The following RIC3 variants were observed in gnomAD, a reference collection of about 807,000 sequenced individuals.
The protein encoded by RIC3 is protein RIC-3.
RIC3 carries 28 observed loss-of-function variants against 27.3 expected under a neutral mutation model. That is an observed-to-expected ratio of 1.02 (90% confidence interval 0.76 to 1.41). The LOEUF (loss-of-function observed/expected upper bound fraction) is 1.41. Among genes scored for constraint, RIC3 ranks in the 40% most tolerant of loss-of-function variants. The pLI, the probability that RIC3 is intolerant of heterozygous loss-of-function variation, is 0.00. For missense variants in RIC3, 501 were observed against 444.7 expected (o/e 1.13, Z -1.14); for synonymous variants, 184 against 160.4 (o/e 1.15, Z -1.11).
At chr11:8,099,674 A>G in the RIC3 span, among the ~76,000 whole-genome samples, 3 of 152,236 alleles carry the variant, frequency 2.0e-5, no homozygotes, top group Non-Finnish European at 2.9e-5. Context: ...TGAAGTAAGT[A>G]TGTTCTTTAT....
In RIC3 at chr11:8,142,912, G is replaced by A. The variant is rs1476300553; in HGVS notation, c.125-2719C>T. ...AAATGTAATCCAGCATATAAACAGAGCCAAAGACAAAAACCACAGGATTAT... is the reference window on the plus strand; with the variant it reads ...AAATGTAATCCAGCATATAAACAGAACCAAAGACAAAAACCACAGGATTAT... On this transcript the variant is annotated intron_variant, in intron 1 of 5. Coordinates refer to ENST00000309737, the MANE Select transcript of RIC3 (RefSeq NM_001206671.4). Among the ~76,000 whole-genome samples, 9 of 87,812 alleles carry A rather than the reference G, an allele frequency of 1.0e-4. 1 individual carries two copies. In the South Asian group the frequency reaches 2.3e-3, roughly 23 times the overall value. The allele number at this position is 87,812 out of a possible 152,430, so 57.6% of individuals were successfully genotyped here. A position where few individuals can be genotyped will look rare whatever the true frequency, so the allele number is the denominator to read the frequency against.
intron 5 of RIC3, among the ~76,000 whole-genome samples, chr11:8,122,330 T>A (rs533036529): frequency 2.0e-5 from 3 of 152,314 alleles, no homozygotes; most frequent in African/African-American, 7.2e-5. Context: ...ATAAATGGAA[T>A]CATATAGTAT....
chr11:8,125,253 C>CAAA (rs758292624), intron 5 of RIC3, among the ~76,000 whole-genome samples: 2 of 82,998 alleles, frequency 2.4e-5, no homozygotes, highest in Admixed American at 1.2e-4. Context: ...GACTCTGTCT[C>CAAA]AAAAAAAAAA....
At chr11:8,147,632 A>C (rs917094896) in intron 1 of RIC3, among the ~76,000 whole-genome samples, 1 of 151,970 alleles carries the variant, frequency 6.6e-6, no homozygotes, top group African/African-American at 2.4e-5. Context: ...AAAGCAGGCT[A>C]GATTATATGG....
At position 8,134,836 on chromosome 11, in the gene RIC3, T is replaced by C. The variant is rs530013071; in HGVS notation, c.521+2542A>G. Among the ~76,000 whole-genome samples the C allele has an allele frequency of 5.3e-5, 8 of 152,264 alleles. No homozygotes were observed. In the South Asian group the frequency reaches 1.7e-3, roughly 32 times the overall value. On this transcript the variant is annotated intron_variant, in intron 4 of 5. Coordinates refer to ENST00000309737, the MANE Select transcript of RIC3 (RefSeq NM_001206671.4). ...TTTATATCCTTTGCCCGCTTGTTGA[T>C]GGGGTTGTTTTTTTCTTGTAAATTT... is the stretch of plus-strand genomic sequence containing the variant.
chr11:8,166,093 A>G (rs1951672048), intron 1 of RIC3, among the ~76,000 whole-genome samples: 2 of 152,184 alleles, frequency 1.3e-5, no homozygotes, highest in South Asian at 2.1e-4. Flanking sequence ...CTGGTTTATG[A>G]AACCCTTCTT....
intron 1 of RIC3, among the ~76,000 whole-genome samples, chr11:8,150,193 T>G (rs1023428946): frequency 1.1e-4 from 17 of 152,228 alleles, no homozygotes; most frequent in African/African-American, 4.1e-4. Context: ...TGCTTCTGGC[T>G]GGAGGCTACA....
At chr11:8,137,760 G>A (rs549164180) in intron 3 of RIC3, among the ~76,000 whole-genome samples, 8 of 143,394 alleles carry the variant, frequency 5.6e-5, no homozygotes, top group Admixed American at 5.5e-4. Flanking sequence ...TCTCTTACTT[G>A]CGGGTGGTAA....
chr11:8,148,636 T>A (rs765020617), intron 1 of RIC3, among the ~76,000 whole-genome samples: 2 of 151,832 alleles, frequency 1.3e-5, no homozygotes, highest in Non-Finnish European at 2.9e-5. Context: ...CCCAAAACTT[T>A]TATAGATCTG....
chr11:8,113,290 T>C (rs766834512), intron 5 of RIC3, among the ~76,000 whole-genome samples: 3 of 152,190 alleles, frequency 2.0e-5, no homozygotes, highest in Non-Finnish European at 4.4e-5. Flanking sequence ...TTTTCATGAC[T>C]ATCTGCTTTA....
Position 8,162,279 on chromosome 11 carries a change from T to C in RIC3, c.124+6587A>G, listed in dbSNP as rs549898797. On this transcript the variant is annotated intron_variant, in intron 1 of 5. Coordinates refer to ENST00000309737, the MANE Select transcript of RIC3 (RefSeq NM_001206671.4). ...CATTTACACAAGTCAATAAATTCCC[T>C]GTCTTAGTCAAGCTGACTTTTCTGT... is the stretch of plus-strand genomic sequence containing the variant. 3.1e-4 allele frequency among the ~76,000 whole-genome samples: 47 copies of C among 152,200 alleles called. No individual in the cohort carries two copies. The South Asian group carries it at 9.1e-3, about 29-fold the overall frequency.
intron 4 of RIC3, among the ~76,000 whole-genome samples, chr11:8,136,568 G>A (rs926541833): frequency 1.3e-4 from 20 of 152,126 alleles, no homozygotes; most frequent in African/African-American, 4.6e-4. Flanking sequence ...AGCCAGCCTG[G>A]TAGCAAGAGG....
chr11:8,096,818 A>G, the RIC3 span: 2 of 1,614,072 alleles, frequency 1.2e-6, no homozygotes, highest in Non-Finnish European at 8.5e-7. Flanking sequence ...TGAGTGAGTG[A>G]GTCTGCATCC....
In RIC3 at chr11:8,107,248, G is replaced by C. The variant is rs1329605608; in HGVS notation, c.*3450C>G. 1.3e-5 allele frequency: 2 copies of C among 152,226 alleles called. No homozygotes were observed. Among genetic ancestry groups the C allele is most frequent in the African/African-American group, 4.8e-5 (2 of 41,452 alleles). The allele number at this position is 152,226 out of a possible 1,614,324, so 9.4% of individuals were successfully genotyped here. ...CTTTGGAATACAAATAGTCCAGATT[G>C]AAGAGAACTTTGAGAGTGTGGTAAT... On this transcript the variant is annotated 3_prime_UTR_variant, in exon 6 of 6. Transcript: ENST00000309737.
intron 1 of RIC3, among the ~76,000 whole-genome samples, chr11:8,166,596 G>A (rs1951716657): frequency 6.6e-6 from 1 of 152,170 alleles, no homozygotes; most frequent in African/African-American, 2.4e-5. Flanking sequence ...TAGGCTGAGT[G>A]CAGTTGCTCA....
intron 1 of RIC3, among the ~76,000 whole-genome samples, chr11:8,145,202 T>TA (rs36008792): frequency 0.48 from 67,441 of 140,090 alleles, 17,519 homozygotes; most frequent in African/African-American, 0.72. Flanking sequence ...AAAAAAAAAT[T>TA]AAAAAAAAAA....
the RIC3 span, chr11:8,094,146 C>T: frequency 6.2e-7 from 1 of 1,614,024 alleles, no homozygotes; most frequent in Non-Finnish European, 8.5e-7. Context: ...CAGCAGGGGG[C>T]CAGGGTGGCG....
At chr11:8,131,268 T>C (rs66675297) in intron 4 of RIC3, among the ~76,000 whole-genome samples, 10,376 of 152,148 alleles carry the variant, frequency 0.068, 396 homozygotes, top group South Asian at 0.11. Flanking sequence ...GACTTATTAA[T>C]TAAAAAGAAA....
downstream of RIC3, chr11:8,104,126 C>T (rs960026526): frequency 6.6e-6 from 1 of 152,298 alleles, no homozygotes; most frequent in Admixed American, 6.5e-5. Context: ...GCTAGGGCCC[C>T]TAGAAACCAC....
Sources: gnomAD v4.1 joint callset for allele counts (sites outside exome capture counted in the v4.1 genomes callset) on GRCh38, gnomAD v4.1.1 for gene constraint, MANE v1.5 for transcripts, NCBI Gene and HGNC (gene_info 2026-07-23, HGNC 2026-07-21) for gene names.